Variants in SPATA13 observed in about 807,000 individuals in gnomAD.
SPATA13 encodes spermatogenesis-associated protein 13.
A neutral mutation model predicts 104.0 loss-of-function variants in SPATA13; 50 were observed. The observed-to-expected ratio is 0.48, with a 90% CI of 0.38 to 0.61. The LOEUF (loss-of-function observed/expected upper bound fraction) is 0.61. Among genes scored for constraint, SPATA13 ranks in the 20% least tolerant of loss-of-function variants. The probability of loss-of-function intolerance (pLI) is 0.00; values close to 1 mark genes in which losing one functional copy is unlikely to be tolerated. For synonymous variants in SPATA13, 606 were observed against 667.5 expected (o/e 0.91, Z 1.42); for missense variants, 1,524 against 1,690.6 (o/e 0.90, Z 1.73).
At position 24,191,153 on chromosome 13, in the gene SPATA13, G is replaced by A. The variant is rs149353284; in HGVS notation, c.-112+30221G>A. ...TTAAATTAATTAATTATTATTTTAT[G>A]TTTGTAGAGACAGCATCTCTCGATA... is the stretch of plus-strand genomic sequence containing the variant. On this transcript the variant is annotated intron_variant, in intron 1 of 12. Coordinates refer to ENST00000382108, the MANE Select transcript of SPATA13 (RefSeq NM_001166271.3). Among the ~76,000 whole-genome samples the A allele has an allele frequency of 9.5e-3, 1,439 of 152,184 alleles. 7 individuals carry two copies. Among genetic ancestry groups the A allele is most frequent in the Non-Finnish European group, 0.016 (1,080 of 67,994 alleles).
At chr13:24,029,066 T>G (rs141939652) in intron 3 of SPATA13, among the ~76,000 whole-genome samples, 66 of 152,300 alleles carry the variant, frequency 4.3e-4, no homozygotes, top group African/African-American at 1.5e-3. Flanking sequence ...ATTCAAAACC[T>G]TTATTTTTAA....
intron 3 of SPATA13, among the ~76,000 whole-genome samples, chr13:24,074,826 G>A (rs1159597892): frequency 2.6e-5 from 4 of 152,204 alleles, no homozygotes; most frequent in East Asian, 1.9e-4. Flanking sequence ...ATGCTGCCAC[G>A]TGGTCAGAGA....
intron 3 of SPATA13, among the ~76,000 whole-genome samples, chr13:24,046,552 C>CTTTTTTTTTTTTTTTTT (rs1355852636): frequency 6.6e-6 from 1 of 150,380 alleles, no homozygotes; most frequent in Non-Finnish European, 1.5e-5. Context: ...GGTGTGTACT[C>CTTTTTTTTTTTTTTTTT]TTTTGTGTCT....
rs2138451440 is a variant in SPATA13 at position 24,136,959 on chromosome 13, A to G, written c.-111-85860A>G. On this transcript the variant is annotated intron_variant, in intron 3 of 14. Coordinates refer to the SPATA13 transcript ENST00000424834. The stretch of plus-strand genomic sequence containing the variant: ...ATTCTCCTGCCTCAGCCTCCCGAGT[A>G]GCTGGGACTACAGGCGCCCGCCACT... Among the ~76,000 whole-genome samples the G allele has an allele frequency of 2.0e-5, 2 of 100,502 alleles. 1 individual carries two copies. The highest frequency in any genetic ancestry group is 5.7e-4 in the East Asian group (2 of 3,494). The allele number at this position is 100,502 out of a possible 152,430, so 65.9% of individuals were successfully genotyped here.
At position 24,148,081 on chromosome 13, in the gene SPATA13, A is replaced by G. The variant is rs572461949; in HGVS notation, c.-111-74738A>G. Among the ~76,000 whole-genome samples, 12 of 152,294 alleles carry G rather than the reference A, an allele frequency of 7.9e-5. No individual in the cohort carries two copies. The South Asian group carries it at 2.1e-3, about 26-fold the overall frequency. ...TGTTGCGTACAAATATCTGTTAAAG[A>G]TCCTGCTTTCAGTTCTTTTCCGCAT... is the stretch of plus-strand genomic sequence containing the variant. On this transcript the variant is annotated intron_variant, in intron 3 of 14. Coordinates refer to the SPATA13 transcript ENST00000424834.
At chr13:24,143,635 T>G (rs1881835137) in intron 3 of SPATA13, among the ~76,000 whole-genome samples, 1 of 152,142 alleles carries the variant, frequency 6.6e-6, no homozygotes. Flanking sequence ...TGGAGAGAGA[T>G]GAGTGACCTG....
intron 4 of SPATA13, among the ~76,000 whole-genome samples, chr13:24,274,200 G>C (rs56397321): frequency 9.8e-5 from 15 of 152,338 alleles, no homozygotes; most frequent in African/African-American, 3.6e-4. Context: ...CTTGCTGCAT[G>C]GACAGGCAAC....
intron 2 of SPATA13, among the ~76,000 whole-genome samples, chr13:23,994,564 G>T (rs1465550337): frequency 6.6e-6 from 1 of 152,208 alleles, no homozygotes; most frequent in Non-Finnish European, 1.5e-5. Flanking sequence ...TCTAAGTGTT[G>T]GGTAGGTCCC....
chr13:24,061,479 C>T (rs1878769854), intron 3 of SPATA13, among the ~76,000 whole-genome samples: 1 of 152,088 alleles, frequency 6.6e-6, no homozygotes, highest in Admixed American at 6.6e-5. Context: ...AATGCCCATC[C>T]ATGGTAGACT....
intron 4 of SPATA13, among the ~76,000 whole-genome samples, chr13:24,283,850 G>A (rs1297341127): frequency 1.3e-5 from 2 of 152,166 alleles, no homozygotes; most frequent in Non-Finnish European, 2.9e-5. Context: ...CCAGTTTGGA[G>A]CACAGACTTC....
intron 3 of SPATA13, among the ~76,000 whole-genome samples, chr13:24,096,333 C>T (rs999079589): frequency 4.6e-5 from 7 of 152,170 alleles, no homozygotes; most frequent in African/African-American, 7.2e-5. Context: ...CCGTGGCTCA[C>T]GCCTGTAATC....
chr13:24,169,008 TA>T (rs1882855097), intron 1 of SPATA13, among the ~76,000 whole-genome samples: 1 of 152,228 alleles, frequency 6.6e-6, no homozygotes, highest in African/African-American at 2.4e-5. Context: ...TCAGATTCAA[TA>T]CATTTTACTT....
chr13:24,189,346 C>G (rs1049764793), intron 1 of SPATA13, among the ~76,000 whole-genome samples: 1 of 151,246 alleles, frequency 6.6e-6, no homozygotes, highest in Non-Finnish European at 1.5e-5. Flanking sequence ...TGGCGGGTGC[C>G]TATAATAGTG....
chr13:24,081,412 G>A (rs896652025), intron 3 of SPATA13, among the ~76,000 whole-genome samples: 1 of 152,024 alleles, frequency 6.6e-6, no homozygotes, highest in African/African-American at 2.4e-5. Context: ...TTATGTCCTT[G>A]GATATGTATG....
chr13:24,255,101 G>A (rs144066375), intron 4 of SPATA13, among the ~76,000 whole-genome samples: 7 of 152,286 alleles, frequency 4.6e-5, no homozygotes, highest in African/African-American at 9.6e-5. Flanking sequence ...GAGTGCGCAC[G>A]AGCTAAATCC....
At chr13:24,022,104 G>A (rs866986229) in intron 3 of SPATA13, among the ~76,000 whole-genome samples, 20 of 143,100 alleles carry the variant, frequency 1.4e-4, no homozygotes, top group Middle Eastern at 8.2e-3. Flanking sequence ...AGGCTGGAGT[G>A]CAATCTCATC....
At chr13:24,260,657 A>G (rs1008628469) in intron 4 of SPATA13, among the ~76,000 whole-genome samples, 1 of 152,254 alleles carries the variant, frequency 6.6e-6, no homozygotes, top group East Asian at 1.9e-4. Context: ...GTTAAAGAAA[A>G]TTCTATCAAA....
chr13:24,237,037 T>C (rs978680477), intron 2 of SPATA13, among the ~76,000 whole-genome samples: 1 of 152,162 alleles, frequency 6.6e-6, no homozygotes, highest in African/African-American at 2.4e-5. Context: ...TGTGTACATA[T>C]ACTGCGGAAT....
intron 4 of SPATA13, chr13:24,278,531 G>A: frequency 1.0e-6 from 1 of 952,546 alleles, no homozygotes; most frequent in Non-Finnish European, 1.4e-6. Flanking sequence ...TCCTGCCTCA[G>A]TCTTCCAAAG....
Sources: gnomAD v4.1 joint callset for allele counts (sites outside exome capture counted in the v4.1 genomes callset) on GRCh38, gnomAD v4.1.1 for gene constraint, MANE v1.5 for transcripts, NCBI Gene and HGNC (gene_info 2026-07-23, HGNC 2026-07-21) for gene names.